The following SYN2 variants were observed in gnomAD, a reference collection of about 807,000 sequenced individuals.
The protein encoded by SYN2 is synapsin-2.
A neutral mutation model predicts 50.9 loss-of-function variants in SYN2; 19 were observed. That is an observed-to-expected ratio of 0.37 (90% CI 0.26 to 0.55). The LOEUF (loss-of-function observed/expected upper bound fraction) is 0.55, where lower values mean the gene tolerates loss of function less well. Ranked by LOEUF, SYN2 falls within the 20% of genes least tolerant of loss-of-function variation. The pLI is 0.81. For missense variants in SYN2, 587 were observed against 576.4 expected, an observed-to-expected ratio of 1.02 and a Z score of -0.19; for synonymous variants, 255 against 224.9, an observed-to-expected ratio of 1.13 and a Z score of -1.20.
intron 1 of SYN2, among the ~76,000 whole-genome samples, chr3:12,044,394 A>G (rs1436115281): frequency 6.6e-6 from 1 of 152,208 alleles, no homozygotes; most frequent in Non-Finnish European, 1.5e-5. Context: ...ATTTGAAATG[A>G]GATCCTTCTG....
At chr3:12,184,376 T>C in intron 11 of SYN2, 3 of 985,912 alleles carry the variant, frequency 3.0e-6, no homozygotes, top group Non-Finnish European at 3.6e-6. Flanking sequence ...GCTTGACCTG[T>C]GTACAGAGAT....
At chr3:12,153,561 C>T in intron 5 of SYN2, 1 of 1,614,004 alleles carries the variant, frequency 6.2e-7, no homozygotes, top group Non-Finnish European at 8.5e-7. Flanking sequence ...AGGCAGGTGG[C>T]CCCGGTACCA....
chr3:12,191,302 T>A lies in SYN2; in HGVS notation c.*677T>A, dbSNP rs1001932722. ...AACCTTGAACTCCAGAGCTGCACTA[T>A]AGAGGAGAATGCATGCCACTATGAC... On this transcript the variant is annotated 3_prime_UTR_variant, in exon 13 of 13. Transcript: ENST00000621198. 1 of 448,896 alleles carries A rather than the reference T, an allele frequency of 2.2e-6. No individual in the cohort carries two copies. Among genetic ancestry groups the A allele is most frequent in the African/African-American group, 2.1e-5 (1 of 46,676 alleles). The allele number at this position is 448,896 out of a possible 1,614,324, so 27.8% of individuals were successfully genotyped here. A position where few individuals can be genotyped will look rare whatever the true frequency, so the allele number is the denominator to read the frequency against.
chr3:12,107,908 C>T (rs985604640), intron 1 of SYN2, among the ~76,000 whole-genome samples: 4 of 152,114 alleles, frequency 2.6e-5, no homozygotes, highest in Non-Finnish European at 5.9e-5. Flanking sequence ...CTCATTTCTT[C>T]TGATTTAAGA....
chr3:12,117,412 T>C (rs548616560), intron 1 of SYN2, among the ~76,000 whole-genome samples: 1 of 152,360 alleles, frequency 6.6e-6, no homozygotes, highest in African/African-American at 2.4e-5. Context: ...TAGTCCCTAA[T>C]TGTACCTTAC....
intron 1 of SYN2, among the ~76,000 whole-genome samples, chr3:12,109,759 G>A (rs144404365): frequency 3.2e-4 from 48 of 152,266 alleles, no homozygotes; most frequent in African/African-American, 8.9e-4. Flanking sequence ...AAGTCTGCCC[G>A]TGCAAGAGGC....
At chr3:12,016,971 A>G (rs1004611922) in intron 1 of SYN2, among the ~76,000 whole-genome samples, 3 of 152,206 alleles carry the variant, frequency 2.0e-5, no homozygotes, top group African/African-American at 7.2e-5. Flanking sequence ...GACTATATAA[A>G]GAACTCTTTA....
chr3:12,103,494 G>T (rs1464467955), intron 1 of SYN2, among the ~76,000 whole-genome samples: 5 of 152,178 alleles, frequency 3.3e-5, no homozygotes, highest in African/African-American at 1.2e-4. Context: ...CCAAAGCCTT[G>T]CATCTCAGTA....
At chr3:12,170,145 G>A (rs893954967) in intron 10 of SYN2, among the ~76,000 whole-genome samples, 4 of 152,166 alleles carry the variant, frequency 2.6e-5, no homozygotes, top group African/African-American at 9.6e-5. Context: ...AACCAGAGGA[G>A]CACTGGTTCC....
chr3:12,094,245 T>C (rs893122104), intron 1 of SYN2, among the ~76,000 whole-genome samples: 16 of 152,246 alleles, frequency 1.1e-4, no homozygotes, highest in Admixed American at 6.5e-5. Context: ...ATTATTTGCT[T>C]CTTGAAGGCA....
chr3:12,008,363 C>G (rs1693841918), intron 1 of SYN2, among the ~76,000 whole-genome samples: 1 of 152,086 alleles, frequency 6.6e-6, no homozygotes, highest in Non-Finnish European at 1.5e-5. Context: ...AAATGAGACA[C>G]AGTATCTGCC....
Position 12,140,691 on chromosome 3 carries a change from G to T in SYN2, c.418G>T (p.Asp140Tyr). 1.3e-6 allele frequency: 1 copy of T among 763,490 alleles called. No individual in the cohort carries two copies. 47.3% of individuals were successfully genotyped at this position (763,490 alleles called of 1,614,324 possible). A position where few individuals can be genotyped will look rare whatever the true frequency, so the allele number is the denominator to read the frequency against. Residue 140 changes from aspartate to tyrosine, a missense_variant, in exon 2 of 13, where the codon GAT becomes TAT. Asp to Tyr is a radical substitution (Grantham distance 160). Coordinates refer to ENST00000621198, the MANE Select transcript of SYN2 (RefSeq NM_133625.6). ...FRGKKVLGDY[D>Y]IKVEQAEFSE... is the part of the protein sequence containing the mutation. ...GGGCAAAAAAGTCCTTGGAGATTAT[G>T]ATATCAAGGTGGAACAGGTAATCAG...
chr3:12,146,482 G>A (rs1318030958), intron 4 of SYN2, among the ~76,000 whole-genome samples: 1 of 152,212 alleles, frequency 6.6e-6, no homozygotes, highest in Non-Finnish European at 1.5e-5. Context: ...TAGGATGCCA[G>A]TTTCTGAGAT....
At chr3:12,100,365 G>C (rs1696044876) in intron 1 of SYN2, among the ~76,000 whole-genome samples, 1 of 152,154 alleles carries the variant, frequency 6.6e-6, no homozygotes, top group South Asian at 2.1e-4. Context: ...TTTGACAAGA[G>C]TGCCAAAATA....
At chr3:12,181,159 C>G (rs957293132) in intron 10 of SYN2, among the ~76,000 whole-genome samples, 13 of 152,274 alleles carry the variant, frequency 8.5e-5, no homozygotes, top group African/African-American at 2.9e-4. Context: ...GCCCACTGGC[C>G]CTGGTTCTGC....
At chr3:12,076,001 A>G (rs925491061) in intron 1 of SYN2, among the ~76,000 whole-genome samples, 1 of 152,192 alleles carries the variant, frequency 6.6e-6, no homozygotes, top group African/African-American at 2.4e-5. Flanking sequence ...TGTGAGGTAT[A>G]TACTATTATT....
At chr3:12,069,199 G>A (rs188556720) in intron 1 of SYN2, among the ~76,000 whole-genome samples, 5 of 150,478 alleles carry the variant, frequency 3.3e-5, no homozygotes, top group Non-Finnish European at 5.9e-5. Flanking sequence ...CTTTTTGGCC[G>A]TATGAATAAC....
intron 1 of SYN2, among the ~76,000 whole-genome samples, chr3:12,131,160 A>C (rs1337460024): frequency 6.6e-6 from 1 of 152,196 alleles, no homozygotes; most frequent in East Asian, 1.9e-4. Flanking sequence ...CTGGTGCAGG[A>C]GTGTGTCCTG....
chr3:12,116,503 G>T (rs1328822560), intron 1 of SYN2, among the ~76,000 whole-genome samples: 2 of 152,112 alleles, frequency 1.3e-5, no homozygotes, highest in Non-Finnish European at 2.9e-5. Flanking sequence ...CCTCAGAGTG[G>T]CCAGAATATC....
Sources: gnomAD v4.1 joint callset for allele counts (sites outside exome capture counted in the v4.1 genomes callset) on GRCh38, gnomAD v4.1.1 for gene constraint, MANE v1.5 for transcripts, NCBI Gene and HGNC (gene_info 2026-07-23, HGNC 2026-07-21) for gene names.